SCML4: variants seen among roughly 807,000 people sequenced by gnomAD.
SCML4 encodes sex comb on midleg-like protein 4.
In SCML4, 34 loss-of-function variants were observed where a neutral mutation model predicts 41.1. The ratio of observed to expected loss-of-function variants is 0.83; its 90% CI spans 0.63 to 1.10. The LOEUF (loss-of-function observed/expected upper bound fraction) is 1.10. Among genes scored for constraint, SCML4 ranks in the 50% least tolerant of loss-of-function variants. The pLI is 0.00. For missense variants in SCML4, 522 were observed against 534.1 expected (o/e 0.98, Z 0.22); for synonymous variants, 214 against 220.9 (o/e 0.97, Z 0.28).
Position 107,793,969 on chromosome 6 carries a change from C to T in SCML4, c.-59-21583G>A, listed in dbSNP as rs9486706. Among the ~76,000 whole-genome samples, 1,299 of 152,202 alleles carry T rather than the reference C, an allele frequency of 8.5e-3. 12 individuals carry two copies. Among genetic ancestry groups the T allele is most frequent in the African/African-American group, 0.029 (1,214 of 41,522 alleles). The stretch of plus-strand genomic sequence containing the variant: ...ACAAAACTAAACTAAACTAAAAAAA[C>T]AAGCAAACAAAAAGAAGAAGAAGGC... On this transcript the variant is annotated intron_variant, in intron 1 of 7. Transcript: ENST00000369020.
At chr6:107,789,616 G>A (rs1782164847) in intron 1 of SCML4, among the ~76,000 whole-genome samples, 1 of 152,226 alleles carries the variant, frequency 6.6e-6, no homozygotes. Flanking sequence ...CAAAGACAGT[G>A]GCCAATAATC....
the SCML4 span, among the ~76,000 whole-genome samples, chr6:107,831,461 C>T: frequency 7.3e-6 from 1 of 137,008 alleles, no homozygotes; most frequent in Non-Finnish European, 1.6e-5. Context: ...TAAAAAGCAA[C>T]TGATTGATCA....
chr6:107,828,864 C>G (rs771040805), upstream of SCML4, among the ~76,000 whole-genome samples: 7 of 152,182 alleles, frequency 4.6e-5, no homozygotes, highest in Non-Finnish European at 5.9e-5. Flanking sequence ...TTAGCTTCAA[C>G]TACTCAAGCA....
intron 1 of SCML4, among the ~76,000 whole-genome samples, chr6:107,812,132 C>A (rs117763106): frequency 6.6e-6 from 1 of 152,192 alleles, no homozygotes; most frequent in Non-Finnish European, 1.5e-5. Context: ...GGTGGATTGC[C>A]GGGAAACTCC....
chr6:107,804,075 A>G (rs1175013765), intron 1 of SCML4, among the ~76,000 whole-genome samples: 1 of 147,868 alleles, frequency 6.8e-6, no homozygotes, highest in Non-Finnish European at 1.5e-5. Context: ...AAGAAAAAAA[A>G]AAAAAAAGAG....
chr6:107,738,519 G>T (rs560159367), intron 5 of SCML4, among the ~76,000 whole-genome samples: 3 of 152,092 alleles, frequency 2.0e-5, no homozygotes, highest in Non-Finnish European at 4.4e-5. Flanking sequence ...TACTTGGGAG[G>T]CTGAGGCTGG....
chr6:107,788,676 G>C (rs1371434343), intron 1 of SCML4, among the ~76,000 whole-genome samples: 1 of 151,814 alleles, frequency 6.6e-6, no homozygotes, highest in East Asian at 1.9e-4. Context: ...CTGGTATTAG[G>C]GAGGGTTTTA....
intron 6 of SCML4, among the ~76,000 whole-genome samples, chr6:107,716,518 C>T (rs1774815022): frequency 6.6e-6 from 1 of 152,286 alleles, no homozygotes; most frequent in South Asian, 2.1e-4. Flanking sequence ...AAATAACAGT[C>T]TGATACAGGC....
chr6:107,727,740 T>A (rs893991271), intron 5 of SCML4, among the ~76,000 whole-genome samples: 1 of 152,264 alleles, frequency 6.6e-6, no homozygotes, highest in African/African-American at 2.4e-5. Context: ...ACTAGGCTGC[T>A]TTCTGAATGG....
intron 1 of SCML4, among the ~76,000 whole-genome samples, chr6:107,804,118 C>T (rs1783538103): frequency 6.7e-6 from 1 of 149,872 alleles, no homozygotes; most frequent in African/African-American, 2.5e-5. Flanking sequence ...GATGTGGAGT[C>T]ACTGGGCATT....
At chr6:107,755,103 CAA>C (rs543375610) in intron 2 of SCML4, among the ~76,000 whole-genome samples, 8 of 134,860 alleles carry the variant, frequency 5.9e-5, no homozygotes, top group Admixed American at 7.6e-5. Flanking sequence ...GACCCTGTCT[CAA>C]AAAAAAAAAA....
intron 2 of SCML4, among the ~76,000 whole-genome samples, chr6:107,758,869 A>T (rs543995628): frequency 6.6e-6 from 1 of 152,334 alleles, no homozygotes; most frequent in South Asian, 2.1e-4. Context: ...AGCAGCCCTA[A>T]GGAAACAAAT....
chr6:107,766,667 T>C (rs1440813820), intron 2 of SCML4, among the ~76,000 whole-genome samples: 1 of 152,226 alleles, frequency 6.6e-6, no homozygotes, highest in Non-Finnish European at 1.5e-5. Context: ...AGCCTACCAC[T>C]GCCTCAGATC....
chr6:107,760,358 G>C (rs1469697485), intron 2 of SCML4, among the ~76,000 whole-genome samples: 2 of 152,182 alleles, frequency 1.3e-5, no homozygotes, highest in Non-Finnish European at 2.9e-5. Context: ...GAAGCCCAGG[G>C]CTTACCCTAA....
chr6:107,790,151 G>C (rs564056822), intron 1 of SCML4, among the ~76,000 whole-genome samples: 2 of 152,176 alleles, frequency 1.3e-5, no homozygotes, highest in Admixed American at 1.3e-4. Flanking sequence ...CTAGCTGGAG[G>C]TGGGTGGGAG....
chr6:107,730,281 C>CTCCT (rs1330469363), intron 5 of SCML4, among the ~76,000 whole-genome samples: 1 of 152,220 alleles, frequency 6.6e-6, no homozygotes, highest in African/African-American at 2.4e-5. Flanking sequence ...GAGGATCTAA[C>CTCCT]TCCTGCACAC....
chr6:107,721,006 G>A lies in SCML4; in HGVS notation c.683-13C>T, dbSNP rs770817559. 12 of 1,588,276 alleles carry A rather than the reference G, an allele frequency of 7.6e-6. No homozygotes were observed. In the East Asian group the frequency reaches 2.5e-4, roughly 33 times the overall value. ...GTGACTGTCTTGACTAAGCAATAAG[G>A]CAGTACAGAGAAGCAGATATCAGAG... On this transcript the variant is annotated splice_polypyrimidine_tract_variant and intron_variant, in intron 5 of 7. Transcript: ENST00000369020.
At chr6:107,774,995 T>TAAAAA (rs796163173) in intron 1 of SCML4, among the ~76,000 whole-genome samples, 1 of 134,848 alleles carries the variant, frequency 7.4e-6, no homozygotes. Flanking sequence ...AGACTCCATC[T>TAAAAA]AAAAAAAAAA....
chr6:107,774,388 T>A (rs73762070), intron 1 of SCML4, among the ~76,000 whole-genome samples: 75 of 152,316 alleles, frequency 4.9e-4, no homozygotes, highest in African/African-American at 1.8e-3. Context: ...GATGAGGGAC[T>A]ATAAGCTCAT....
Sources: allele counts gnomAD v4.1 joint callset (sites outside exome capture counted in the v4.1 genomes callset), GRCh38; gene constraint gnomAD v4.1.1; transcripts MANE v1.5; gene names NCBI Gene and HGNC (gene_info 2026-07-23, HGNC 2026-07-21).